Variants in MAF observed in about 807,000 individuals in gnomAD.
MAF encodes transcription factor Maf.
Under a neutral mutation model 22.0 loss-of-function variants are expected in MAF, and 10 were observed. That is an observed-to-expected ratio of 0.45 (90% confidence interval 0.28 to 0.77). The LOEUF (loss-of-function observed/expected upper bound fraction) is 0.77. Ranked by LOEUF, MAF falls within the 30% of genes least tolerant of loss-of-function variation. MAF has a pLI of 0.12. For missense variants in MAF, 544 were observed against 548.4 expected (o/e 0.99, Z 0.08); for synonymous variants, 337 against 255.8 (o/e 1.32, Z -3.03).
chr16:79,483,466 G>A, the MAF span, among the ~76,000 whole-genome samples: 3 of 151,050 alleles, frequency 2.0e-5, no homozygotes, highest in Non-Finnish European at 4.4e-5. Context: ...ATGCTGGCAT[G>A]GAGTGGACAG....
chr16:79,582,845 G>A (rs1033959445), downstream of MAF, among the ~76,000 whole-genome samples: 3 of 152,128 alleles, frequency 2.0e-5, no homozygotes, highest in South Asian at 6.2e-4. Context: ...TTGTGGGTGG[G>A]GGATTTACTC....
At chr16:79,443,065 G>C in the MAF span, among the ~76,000 whole-genome samples, 1 of 152,160 alleles carries the variant, frequency 6.6e-6, no homozygotes, top group Non-Finnish European at 1.5e-5. Context: ...ACAAGAAGGA[G>C]GTAACAAGTG....
the MAF span, among the ~76,000 whole-genome samples, chr16:79,456,747 T>C: frequency 2.6e-5 from 4 of 152,206 alleles, no homozygotes; most frequent in African/African-American, 7.2e-5. Context: ...TTTACAAGGA[T>C]AGAACTCAAG....
chr16:79,250,234 A>G, the MAF span, among the ~76,000 whole-genome samples: 19,122 of 152,274 alleles, frequency 0.13, 1,461 homozygotes, highest in Middle Eastern at 0.19. Flanking sequence ...CACTTTGAAC[A>G]AATATTTCTC....
At chr16:79,271,646 G>C in the MAF span, among the ~76,000 whole-genome samples, 4 of 152,104 alleles carry the variant, frequency 2.6e-5, no homozygotes, top group African/African-American at 9.7e-5. Flanking sequence ...AAAGACTGTT[G>C]ATATTGATGA....
At chr16:79,485,944 A>C in the MAF span, among the ~76,000 whole-genome samples, 1 of 152,216 alleles carries the variant, frequency 6.6e-6, no homozygotes, top group South Asian at 2.1e-4. Flanking sequence ...TTTTTAACTG[A>C]TGGAACTCTA....
At chr16:79,448,370 T>C in the MAF span, among the ~76,000 whole-genome samples, 1 of 128,608 alleles carries the variant, frequency 7.8e-6, no homozygotes, top group East Asian at 2.4e-4. Flanking sequence ...CTCAGATGAA[T>C]GCTAGCATTT....
At chr16:79,338,850 G>A in the MAF span, among the ~76,000 whole-genome samples, 9 of 152,238 alleles carry the variant, frequency 5.9e-5, no homozygotes, top group East Asian at 1.2e-3. Context: ...GTTAGTGTGG[G>A]TGAGCTGTCC....
chr16:79,530,062 G>A, the MAF span, among the ~76,000 whole-genome samples: 5 of 152,184 alleles, frequency 3.3e-5, no homozygotes. Flanking sequence ...CAAAGAGACA[G>A]AACAAATATA....
the MAF span, among the ~76,000 whole-genome samples, chr16:79,263,213 C>T: frequency 1.4e-4 from 21 of 152,132 alleles, no homozygotes; most frequent in East Asian, 3.9e-4. Flanking sequence ...GATAACTAAA[C>T]GCATCATTGC....
At chr16:79,311,497 T>A in the MAF span, among the ~76,000 whole-genome samples, 21 of 136,712 alleles carry the variant, frequency 1.5e-4, no homozygotes, top group Admixed American at 3.6e-4. Flanking sequence ...TTGTTTTCTT[T>A]AAAAAAAAAA....
At chr16:79,331,803 C>A in the MAF span, among the ~76,000 whole-genome samples, 1 of 152,194 alleles carries the variant, frequency 6.6e-6, no homozygotes, top group African/African-American at 2.4e-5. Flanking sequence ...AGAACCCACA[C>A]TCCTATCCCT....
At chr16:79,403,394 G>C in the MAF span, among the ~76,000 whole-genome samples, 58,696 of 152,082 alleles carry the variant, frequency 0.39, 12,946 homozygotes, top group Non-Finnish European at 0.52. Context: ...AGGCAGCCCA[G>C]AGTGCTTGAG....
chr16:79,337,836 G>A, the MAF span, among the ~76,000 whole-genome samples: 21 of 152,164 alleles, frequency 1.4e-4, no homozygotes, highest in African/African-American at 4.6e-4. Flanking sequence ...AGGCTACTAT[G>A]CCACACTGTA....
At chr16:79,343,831 C>G in the MAF span, among the ~76,000 whole-genome samples, 2 of 152,178 alleles carry the variant, frequency 1.3e-5, no homozygotes, top group African/African-American at 2.4e-5. Context: ...GTCTTCCTAC[C>G]CCCCACGGTC....
At chr16:79,320,064 C>T in the MAF span, among the ~76,000 whole-genome samples, 1 of 152,048 alleles carries the variant, frequency 6.6e-6, no homozygotes, top group Non-Finnish European at 1.5e-5. Context: ...GCATGGCAGA[C>T]AGAAGGAAGG....
chr16:79,282,673 G>C, the MAF span, among the ~76,000 whole-genome samples: 2 of 152,180 alleles, frequency 1.3e-5, no homozygotes, highest in African/African-American at 4.8e-5. Context: ...CTCAGTATCA[G>C]TTTGTCATAT....
chr16:79,461,983 G>A, the MAF span, among the ~76,000 whole-genome samples: 1 of 152,142 alleles, frequency 6.6e-6, no homozygotes, highest in Non-Finnish European at 1.5e-5. Context: ...TTATGAGAAG[G>A]CACCTGCCAC....
chr16:79,275,589 C>T, the MAF span, among the ~76,000 whole-genome samples: 1 of 152,154 alleles, frequency 6.6e-6, no homozygotes, highest in South Asian at 2.1e-4. Context: ...GTAGTCTCTT[C>T]AGCAGATTGT....
Sources: allele counts gnomAD v4.1 joint callset (sites outside exome capture counted in the v4.1 genomes callset), GRCh38; gene constraint gnomAD v4.1.1; transcripts MANE v1.5; gene names NCBI Gene and HGNC (gene_info 2026-07-23, HGNC 2026-07-21).